The following CNTN4 variants were observed in gnomAD, a reference collection of about 807,000 sequenced individuals.
CNTN4 encodes contactin 4, also known as contactin-4.
Under a neutral mutation model 122.5 loss-of-function variants are expected in CNTN4, and 77 were observed. The observed-to-expected ratio is 0.63, with a 90% CI of 0.52 to 0.76. The LOEUF is 0.76. CNTN4 is among the 30% of genes least tolerant of loss of function. The pLI is 0.00. For missense variants in CNTN4, 1,256 were observed against 1,259.1 expected (o/e 1.00, Z 0.04); for synonymous variants, 512 against 447.0 (o/e 1.15, Z -1.83).
At chr3:2,412,277 G>A (rs1213439760) in intron 3 of CNTN4, among the ~76,000 whole-genome samples, 4 of 151,062 alleles carry the variant, frequency 2.6e-5, no homozygotes, top group African/African-American at 4.9e-5. Flanking sequence ...TGGAGGCGGA[G>A]TTTCACTCTT....
chr3:2,858,796 A>C (rs7429280), intron 7 of CNTN4, among the ~76,000 whole-genome samples: 29,776 of 152,014 alleles, frequency 0.2, 3,013 homozygotes, highest in Middle Eastern at 0.29. Flanking sequence ...TTAATTGACA[A>C]ATAAACATTG....
At chr3:2,781,430 A>G (rs2091562655) in intron 6 of CNTN4, among the ~76,000 whole-genome samples, 1 of 144,054 alleles carries the variant, frequency 6.9e-6, no homozygotes, top group Admixed American at 6.7e-5. Context: ...TGAGTGAGCA[A>G]TGTCAACGAA....
At chr3:2,705,105 A>G (rs1240759127) in intron 4 of CNTN4, among the ~76,000 whole-genome samples, 1 of 151,776 alleles carries the variant, frequency 6.6e-6, no homozygotes, top group African/African-American at 2.4e-5. Context: ...AGAGAGCTGC[A>G]TAAGAATTCT....
intron 2 of CNTN4, among the ~76,000 whole-genome samples, chr3:2,194,299 TA>T (rs1042937222): frequency 6.6e-6 from 1 of 151,280 alleles, no homozygotes; most frequent in Non-Finnish European, 1.5e-5. Context: ...TCCCATCTCT[TA>T]AAAAAAACAA....
At chr3:2,198,332 G>A (rs1289349621) in intron 2 of CNTN4, among the ~76,000 whole-genome samples, 2 of 150,726 alleles carry the variant, frequency 1.3e-5, no homozygotes, top group Non-Finnish European at 1.5e-5. Flanking sequence ...TTTAATGTTT[G>A]AACAGAATTA....
intron 4 of CNTN4, among the ~76,000 whole-genome samples, chr3:2,673,074 T>C (rs1402373800): frequency 6.6e-6 from 1 of 152,230 alleles, no homozygotes; most frequent in African/African-American, 2.4e-5. Context: ...TGCAAAGATT[T>C]GTTTTTCTCT....
At chr3:2,585,803 C>A (rs1249263375) in intron 4 of CNTN4, among the ~76,000 whole-genome samples, 2 of 148,270 alleles carry the variant, frequency 1.3e-5, no homozygotes, top group African/African-American at 5.0e-5. Flanking sequence ...CAAACCTGCA[C>A]ATTGTGCACA....
chr3:2,781,920 T>C (rs1394354111), intron 6 of CNTN4, among the ~76,000 whole-genome samples: 1 of 143,186 alleles, frequency 7.0e-6, no homozygotes, highest in Non-Finnish European at 1.5e-5. Flanking sequence ...AGACGGGGCT[T>C]CACCGTGTTA....
chr3:3,042,894 A>G (rs1289559643), intron 21 of CNTN4, 83 bp from the exon 22 acceptor site: 1 of 1,112,070 alleles, frequency 9.0e-7, no homozygotes, highest in Non-Finnish European at 1.4e-6. Context: ...CCATCATAAG[A>G]ATCTGCGTAC....
chr3:2,390,215 AGTGTGTGTGTGTGT>A (rs142190283), intron 3 of CNTN4, among the ~76,000 whole-genome samples: 2 of 144,770 alleles, frequency 1.4e-5, no homozygotes, highest in Non-Finnish European at 3.0e-5. Flanking sequence ...AGGAAAAAAG[AGTGTGTGTGTGTGT>A]GTGTGTGTGT....
chr3:2,839,960 G>C (rs1055484325), intron 7 of CNTN4, among the ~76,000 whole-genome samples: 1 of 152,116 alleles, frequency 6.6e-6, no homozygotes, highest in Non-Finnish European at 1.5e-5. Flanking sequence ...TTAAACTTGT[G>C]TAGCTAAGTG....
rs1447876883 is a variant in CNTN4, at chr3:3,056,514, T to C, written c.*294T>C. The C allele has an allele frequency of 5.5e-6, 1 of 181,296 alleles. No individual in the cohort carries two copies. The highest frequency in any genetic ancestry group is 2.4e-5 in the African/African-American group (1 of 42,402). 11.2% of individuals were successfully genotyped at this position (181,296 alleles called of 1,614,324 possible). The stretch of plus-strand genomic sequence containing the variant: ...TATTTTTTATTATATATTTAGTGTT[T>C]TATAGAATTTTTTAAAGTTAACATA... On this transcript the variant is annotated 3_prime_UTR_variant, in exon 25 of 25. Coordinates refer to ENST00000418658, the MANE Select transcript of CNTN4 (RefSeq NM_175607.3).
chr3:2,484,342 C>T (rs1268496243), intron 3 of CNTN4, among the ~76,000 whole-genome samples: 2 of 152,186 alleles, frequency 1.3e-5, no homozygotes, highest in African/African-American at 4.8e-5. Flanking sequence ...TATTGCTAGA[C>T]AACATTGCTC....
intron 13 of CNTN4, among the ~76,000 whole-genome samples, chr3:2,959,712 T>C (rs545492877): frequency 3.3e-4 from 50 of 152,276 alleles, no homozygotes; most frequent in African/African-American, 1.1e-3. Context: ...TCAGAAACAG[T>C]TTGGGATCTG....
At chr3:2,215,124 G>A (rs1338132083) in intron 2 of CNTN4, among the ~76,000 whole-genome samples, 2 of 152,102 alleles carry the variant, frequency 1.3e-5, no homozygotes, top group Non-Finnish European at 2.9e-5. Flanking sequence ...CTCTTCAGAT[G>A]TATTAAATAT....
chr3:2,837,529 G>A (rs940191396), intron 7 of CNTN4, among the ~76,000 whole-genome samples: 5 of 152,274 alleles, frequency 3.3e-5, no homozygotes, highest in African/African-American at 9.6e-5. Context: ...CACAGCAACG[G>A]TCAGACTACT....
chr3:2,490,608 T>G (rs753798221), intron 3 of CNTN4, among the ~76,000 whole-genome samples: 1 of 152,220 alleles, frequency 6.6e-6, no homozygotes, highest in Non-Finnish European at 1.5e-5. Flanking sequence ...AGTTTTATAT[T>G]TGTGCACTAA....
chr3:2,450,427 A>G (rs963846065), intron 3 of CNTN4, among the ~76,000 whole-genome samples: 2 of 152,070 alleles, frequency 1.3e-5, no homozygotes, highest in African/African-American at 4.8e-5. Context: ...AGGTGTGTGT[A>G]TAGGAGCTAG....
chr3:2,301,216 G>T (rs895874383), intron 2 of CNTN4, among the ~76,000 whole-genome samples: 2 of 152,138 alleles, frequency 1.3e-5, no homozygotes, highest in African/African-American at 4.8e-5. Context: ...AAAAAACTTT[G>T]TTAGCACACG....
Sources: gnomAD v4.1 joint callset for allele counts (sites outside exome capture counted in the v4.1 genomes callset) on GRCh38, gnomAD v4.1.1 for gene constraint, MANE v1.5 for transcripts, NCBI Gene and HGNC (gene_info 2026-07-23, HGNC 2026-07-21) for gene names.